The following KRR1 variants were observed in gnomAD, a reference collection of about 807,000 sequenced individuals.
KRR1 encodes the protein KRR1 small subunit processome component, also known as KRR1 small subunit processome component homolog.
KRR1 carries 23 observed loss-of-function variants against 50.0 expected under a neutral mutation model. The observed-to-expected ratio is 0.46, with a 90% CI of 0.33 to 0.65. KRR1 has a LOEUF of 0.65. KRR1 is among the 30% of genes least tolerant of loss of function. KRR1 has a pLI of 0.02. For missense variants in KRR1, 419 were observed against 442.4 expected (o/e 0.95, Z 0.47); for synonymous variants, 133 against 146.3 (o/e 0.91, Z 0.66).
rs1468644744 is a variant in KRR1, at chr12:75,506,831, C to T, written c.344G>A (p.Arg115Lys). The T allele has an allele frequency of 6.2e-7, 1 of 1,613,250 alleles. No individual in the cohort carries two copies. The highest frequency in any genetic ancestry group is 8.5e-7 in the Non-Finnish European group (1 of 1,179,510). Residue 115 changes from arginine to lysine, a missense_variant, in exon 3 of 10, where the codon AGG (arginine) becomes AAG (lysine). Transcript: ENST00000229214. ...TAACAGTTTTATCAGATCTCTGGCC[C>T]TAATGATGATATATGGATCAAAAGT... is the stretch of plus-strand genomic sequence containing the variant. The part of the protein sequence containing the change: ...KKTFDPYIII[R>K]ARDLIKLLAR...
At position 75,495,677 on chromosome 12, in the gene KRR1, C is replaced by T. The variant is rs372628259; in HGVS notation, c.*4132G>A. Reference sequence around the variant, plus strand: ...CAATCTCTGTGGTGAGTAAAAGGAACAATACACCAATAGAATAACATAATA... The same window carrying T: ...CAATCTCTGTGGTGAGTAAAAGGAATAATACACCAATAGAATAACATAATA... On this transcript the variant is annotated 3_prime_UTR_variant, in exon 10 of 10. Coordinates refer to ENST00000229214, the MANE Select transcript of KRR1 (RefSeq NM_007043.7). 15 of 1,340,720 alleles carry T rather than the reference C, an allele frequency of 1.1e-5. No homozygotes were observed. The highest frequency in any genetic ancestry group is 1.6e-5 in the Non-Finnish European group (15 of 932,702). The allele number at this position is 1,340,720 out of a possible 1,614,324, so 83.1% of individuals were successfully genotyped here.
rs373507415 is a variant in KRR1, at chr12:75,501,815, G to T, written c.911C>A (p.Ala304Asp). The T allele has an allele frequency of 6.9e-6, 11 of 1,601,854 alleles. No homozygotes were observed. Among genetic ancestry groups the T allele is most frequent in the Non-Finnish European group, 9.4e-6 (11 of 1,172,778 alleles). ...CTTACTGATGGCTTCTGCTTGTTTAGCCTACATTAATAAATAAAAAATATA... is the reference window on the plus strand; with the variant it reads ...CTTACTGATGGCTTCTGCTTGTTTATCCTACATTAATAAATAAAAAATATA... ...KKRQKMEAIK[A>D]KQAEAISKRQ... Residue 304 changes from alanine (A) to aspartate (D), a missense_variant and splice_region_variant, in exon 9 of 10, where the codon GCT (alanine) becomes GAT (aspartate). Ala to Asp is a moderately radical substitution (Grantham distance 126, BLOSUM62 -2). Coordinates refer to ENST00000229214, the MANE Select transcript of KRR1 (RefSeq NM_007043.7).
chr12:75,501,623 G>A, intron 9 of KRR1, 100 bp downstream of exon 9: 2 of 744,174 alleles, frequency 2.7e-6, no homozygotes, highest in Non-Finnish European at 4.5e-6. Flanking sequence ...TAAGAGAACT[G>A]ATGAAAAGAT....
intron 9 of KRR1, 130 bp from the exon 10 acceptor site, chr12:75,500,081 A>C: frequency 1.5e-6 from 1 of 664,604 alleles, no homozygotes. Flanking sequence ...TGAATAATTG[A>C]AAGGTGATCA....
chr12:75,495,633 A>G lies in KRR1; in HGVS notation c.*4176T>C, dbSNP rs767798989. On this transcript the variant is annotated 3_prime_UTR_variant, in exon 10 of 10. Coordinates refer to ENST00000229214, the MANE Select transcript of KRR1 (RefSeq NM_007043.7). ...GGAGCCACCTGCAGTGCCTGCCCCA[A>G]TAATGACAAGTGTTTGGACAATCTC... is the stretch of plus-strand genomic sequence containing the variant. 20 of 1,610,216 alleles carry G rather than the reference A, an allele frequency of 1.2e-5. No homozygotes were observed. Among genetic ancestry groups the G allele is most frequent in the South Asian group, 2.2e-5 (2 of 90,978 alleles).
At position 75,503,864 on chromosome 12, in the gene KRR1, T is replaced by C. The variant is rs1249382519; in HGVS notation, c.831+40A>G. 4 of 1,535,054 alleles carry C rather than the reference T, an allele frequency of 2.6e-6. No individual in the cohort carries two copies. In the Admixed American group the frequency reaches 6.0e-5, roughly 23 times the overall value. ...AAGTTTCTGACCAAATACATTAAAA[T>C]AGATTCTCCTTCATATGAAGTTCTA... On this transcript the variant is annotated intron_variant, in intron 7 of 9. Transcript: ENST00000229214.
At chr12:75,502,853 T>C (rs1251300049) in intron 7 of KRR1, 2 of 152,064 alleles carry the variant, frequency 1.3e-5, no homozygotes, top group Non-Finnish European at 2.9e-5. Flanking sequence ...CATGGTTTAA[T>C]GACTGCATCA....
chr12:75,506,526 T>C lies in KRR1; in HGVS notation c.477A>G (p.Lys159=). The C allele has an allele frequency of 6.2e-7, 1 of 1,606,800 alleles. No homozygotes were observed. The highest frequency in any genetic ancestry group is 1.1e-5 in the South Asian group (1 of 90,600). ...TGGGACCAATAAGCCGTTGTCTTCG[T>C]TTTACAAATCTCTCTTTATTCCTTA... ...SLVRNKERFV[K]RRQRLIGPKG... Residue 159 remains lysine, a synonymous_variant, in exon 4 of 10, where the codon AAA becomes AAG. Coordinates refer to ENST00000229214, the MANE Select transcript of KRR1 (RefSeq NM_007043.7).
chr12:75,505,364 T>C, intron 5 of KRR1, 110 bp from the exon 6 acceptor site: 5 of 1,080,800 alleles, frequency 4.6e-6, no homozygotes, highest in Non-Finnish European at 6.4e-6. Context: ...AATAATGTAA[T>C]TAAATAATTA....
Position 75,498,442 on chromosome 12 carries a change from A to AT in KRR1, c.*1366dup. ...CCTGCTAGGTATGATGTGTAAAATG[A>AT]TTTTCCATTTATAGTAATGGTATAG... On this transcript the variant is annotated 3_prime_UTR_variant, in exon 10 of 10. Coordinates refer to ENST00000229214, the MANE Select transcript of KRR1 (RefSeq NM_007043.7). 1 of 363,120 alleles carries AT rather than the reference A, an allele frequency of 2.8e-6. No individual in the cohort carries two copies. The highest frequency in any genetic ancestry group is 4.9e-6 in the Non-Finnish European group (1 of 203,656). 22.5% of individuals were successfully genotyped at this position (363,120 alleles called of 1,614,324 possible). A position where few individuals can be genotyped will look rare whatever the true frequency, so the allele number is the denominator to read the frequency against.
Position 75,511,560 on chromosome 12 carries a change from G to C in KRR1, c.38C>G (p.Ala13Gly). 6.2e-7 allele frequency: 1 copy of C among 1,614,082 alleles called. No individual in the cohort carries two copies. Among genetic ancestry groups the C allele is most frequent in the South Asian group, 1.1e-5 (1 of 91,082 alleles). The change falls in exon 1 of 10, where the codon GCT becomes GGT. Residue 13 changes from alanine to glycine, a missense_variant. By Grantham distance (60) the Ala-to-Gly change is moderately conservative. Coordinates refer to ENST00000229214, the MANE Select transcript of KRR1 (RefSeq NM_007043.7). ...CTGGTTACGAAATTCACTTTTTCCA[G>C]CGCCTTTTTCTGGCCGCTCCAGCGA... is the stretch of plus-strand genomic sequence containing the variant. ...SPSLERPEKG[A>G]GKSEFRNQKP... is the part of the protein sequence containing the mutation.
Position 75,499,629 on chromosome 12 carries a change from A to AAAT in KRR1, c.*177_*179dup, listed in dbSNP as rs2046376652. 2.8e-6 allele frequency: 1 copy of AAAT among 353,540 alleles called. No individual in the cohort carries two copies. The allele number at this position is 353,540 out of a possible 1,614,324, so 21.9% of individuals were successfully genotyped here. ...AGACTTATATACCACTTTCTCGTATAAATTTTTCAAAAAATACAATAATAA... is the reference window on the plus strand; with the variant it reads ...AGACTTATATACCACTTTCTCGTATAAATAATTTTTCAAAAAATACAATAATAA... On this transcript the variant is annotated 3_prime_UTR_variant, in exon 10 of 10. Coordinates refer to ENST00000229214, the MANE Select transcript of KRR1 (RefSeq NM_007043.7).
Position 75,501,726 on chromosome 12 carries a change from C to T in KRR1, c.1000G>A (p.Glu334Lys), listed in dbSNP as rs763753001. ...PKEKPIVKPK[E>K]ASTETKIDVA... ...TTTACATCATAGAAAGCATTACCTTCCTTAGGTTTCACAATTGGTTTTTCC... is the reference window on the plus strand; with the variant it reads ...TTTACATCATAGAAAGCATTACCTTTCTTAGGTTTCACAATTGGTTTTTCC... The change falls in exon 9 of 10, where the codon GAA becomes AAA. Residue 334 changes from glutamate to lysine, a missense_variant. Physicochemically the swap from Glu to Lys is moderately conservative, Grantham distance 56. Coordinates refer to ENST00000229214, the MANE Select transcript of KRR1 (RefSeq NM_007043.7). 2 of 1,595,312 alleles carry T rather than the reference C, an allele frequency of 1.3e-6. No individual in the cohort carries two copies. The highest frequency in any genetic ancestry group is 3.4e-5 in the Admixed American group (2 of 59,630).
At chr12:75,510,803 C>T (rs769661930) in intron 1 of KRR1, among the ~76,000 whole-genome samples, 17 of 152,148 alleles carry the variant, frequency 1.1e-4, no homozygotes, top group Admixed American at 7.2e-4. Flanking sequence ...TAATGAGCAA[C>T]AACAAAGAAA....
At chr12:75,504,991 CTG>C (rs746236855) in intron 6 of KRR1, among the ~76,000 whole-genome samples, 2 of 151,926 alleles carry the variant, frequency 1.3e-5, no homozygotes, top group Non-Finnish European at 2.9e-5. Context: ...AGTTTTCACA[CTG>C]TGCTCCACAG....
chr12:75,506,010 T>C (rs913774519), intron 5 of KRR1, among the ~76,000 whole-genome samples: 5 of 152,128 alleles, frequency 3.3e-5, no homozygotes, highest in African/African-American at 1.2e-4. Context: ...AACTATACCA[T>C]GTTCATACAT....
intron 5 of KRR1, 27 bp from the exon 6 acceptor site, chr12:75,505,281 A>G (rs2046416827): frequency 6.4e-7 from 1 of 1,560,932 alleles, no homozygotes; most frequent in Non-Finnish European, 8.7e-7. Flanking sequence ...AAAATGAATT[A>G]GTCACAAGGA....
At chr12:75,505,072 C>A in intron 6 of KRR1, 126 bp downstream of exon 6, 1 of 1,010,116 alleles carries the variant, frequency 9.9e-7, no homozygotes. Flanking sequence ...CCTAATTTAC[C>A]CAAAATAGCT....
Position 75,496,159 on chromosome 12 carries a change from C to T in KRR1, c.*3650G>A, listed in dbSNP as rs1281233582. On this transcript the variant is annotated 3_prime_UTR_variant, in exon 10 of 10. Transcript: ENST00000229214. ...GCTGAGATTACCATGCCACCATGCC[C>T]AGCCTGGCCAACATGGCAAAAACCC... 1 of 152,020 alleles carries T rather than the reference C, an allele frequency of 6.6e-6. No homozygotes were observed. Among genetic ancestry groups the T allele is most frequent in the East Asian group, 2.0e-4 (1 of 5,128 alleles). The allele number at this position is 152,020 out of a possible 1,614,324, so 9.4% of individuals were successfully genotyped here. A position where few individuals can be genotyped will look rare whatever the true frequency, so the allele number is the denominator to read the frequency against.
Sources: gnomAD v4.1 joint callset for allele counts (sites outside exome capture counted in the v4.1 genomes callset) on GRCh38, gnomAD v4.1.1 for gene constraint, MANE v1.5 for transcripts, NCBI Gene and HGNC (gene_info 2026-07-23, HGNC 2026-07-21) for gene names.